Variants in TOGARAM1 observed in about 807,000 individuals in gnomAD.
The protein encoded by TOGARAM1 is TOG array regulator of axonemal microtubules protein 1.
A neutral mutation model predicts 166.6 loss-of-function variants in TOGARAM1; 100 were observed. That is an observed-to-expected ratio of 0.60 (90% confidence interval 0.51 to 0.71). The LOEUF (loss-of-function observed/expected upper bound fraction) is 0.71. Among genes scored for constraint, TOGARAM1 ranks in the 30% least tolerant of loss-of-function variants. TOGARAM1 has a pLI of 0.00. For synonymous variants in TOGARAM1, 758 were observed against 763.8 expected (o/e 0.99, Z 0.13); for missense variants, 2,029 against 2,102.7 (o/e 0.96, Z 0.69).
rs1257338210 is a variant in TOGARAM1, at chr14:44,964,219, A to G, written c.1798A>G (p.Arg600Gly). 6.2e-7 allele frequency: 1 copy of G among 1,614,200 alleles called. No homozygotes were observed. Among genetic ancestry groups the G allele is most frequent in the East Asian group, 2.2e-5 (1 of 44,882 alleles). The stretch of plus-strand genomic sequence containing the variant: ...ACTGATGCCATCTTCTGCCGGGGGT[A>G]GGTCAAACCATTTGGCACATGGAGC... The part of the protein sequence containing the change: ...AVLMPSSAGG[R>G]SNHLAHGADT... The change falls in exon 1 of 20, where the codon AGG becomes GGG. Residue 600 changes from arginine (R) to glycine (G), a missense_variant. This residue lies in a region of TOGARAM1 where 1,453 missense variants were observed against 1,432.2 expected (regional missense o/e 1.01). Transcript: ENST00000361462.
chr14:45,026,050 C>T (rs996125458), intron 8 of TOGARAM1, among the ~76,000 whole-genome samples, 178 bp downstream of exon 8: 1 of 152,092 alleles, frequency 6.6e-6, no homozygotes, highest in Non-Finnish European at 1.5e-5. Flanking sequence ...ACATTTCTAT[C>T]TTCTAATGAA....
intron 7 of TOGARAM1, among the ~76,000 whole-genome samples, chr14:45,020,874 A>G (rs1445133296): frequency 1.3e-5 from 2 of 152,192 alleles, no homozygotes; most frequent in Non-Finnish European, 2.9e-5. Flanking sequence ...TCTGTGCTGA[A>G]GTTGTTCCAT....
At chr14:44,987,960 A>T (rs554037290) in intron 1 of TOGARAM1, among the ~76,000 whole-genome samples, 1,614 of 152,126 alleles carry the variant, frequency 0.011, 33 homozygotes, top group African/African-American at 0.036. Context: ...TTGTAGGGAC[A>T]TGGATGAAGC....
chr14:44,995,840 C>T lies in TOGARAM1; in HGVS notation c.2141C>T (p.Ser714Leu). Residue 714 changes from serine (S) to leucine (L), a missense_variant, in exon 2 of 20, where the codon TCA becomes TTA. This residue lies in a region of TOGARAM1 where 1,453 missense variants were observed against 1,432.2 expected (regional missense o/e 1.01). Transcript: ENST00000361462. The part of the protein sequence containing the change: ...DDLCFSRKRV[S>L]RNLFQNSRDF... The stretch of plus-strand genomic sequence containing the variant: ...TTATGTTTTAGCAGAAAAAGAGTAT[C>T]AAGAAACTTATTTCAGAATAGTCGG... 7 of 1,610,604 alleles carry T rather than the reference C, an allele frequency of 4.3e-6. No individual in the cohort carries two copies. The highest frequency in any genetic ancestry group is 5.1e-6 in the Non-Finnish European group (6 of 1,178,852).
Position 45,074,156 on chromosome 14 carries a change from G to C in TOGARAM1, c.*595G>C, listed in dbSNP as rs567164523. 6.5e-6 allele frequency: 1 copy of C among 152,710 alleles called. No homozygotes were observed. The highest frequency in any genetic ancestry group is 2.4e-5 in the African/African-American group (1 of 41,548). The allele number at this position is 152,710 out of a possible 1,614,324, so 9.5% of individuals were successfully genotyped here. On this transcript the variant is annotated 3_prime_UTR_variant, in exon 20 of 20. Transcript: ENST00000361462. Reference sequence around the variant, plus strand: ...GTGAAATTTAACAAGTTATAATAAAGCATGACAACCAAAGTTTTAGAAAAC... The same window carrying C: ...GTGAAATTTAACAAGTTATAATAAACCATGACAACCAAAGTTTTAGAAAAC...
intron 6 of TOGARAM1, among the ~76,000 whole-genome samples, chr14:45,010,895 G>A (rs1879748026): frequency 6.6e-6 from 1 of 152,086 alleles, no homozygotes. Context: ...TATAAATGTA[G>A]ATTCATAATA....
intron 12 of TOGARAM1, 49 bp downstream of exon 12, chr14:45,043,840 T>A: frequency 9.6e-7 from 1 of 1,040,484 alleles, no homozygotes; most frequent in Non-Finnish European, 1.5e-6. Flanking sequence ...TAACAAAGGA[T>A]AAATATGCTA....
Position 45,073,931 on chromosome 14 carries a change from T to C in TOGARAM1, c.*370T>C, listed in dbSNP as rs1282541688. The C allele has an allele frequency of 6.2e-6, 1 of 162,196 alleles. No individual in the cohort carries two copies. The highest frequency in any genetic ancestry group is 2.4e-5 in the African/African-American group (1 of 41,664). 10.0% of individuals were successfully genotyped at this position (162,196 alleles called of 1,614,324 possible). On this transcript the variant is annotated 3_prime_UTR_variant, in exon 20 of 20. Coordinates refer to ENST00000361462, the MANE Select transcript of TOGARAM1 (RefSeq NM_001308120.2). ...ATTTTATTATGTAATCATGTTCTGG[T>C]ATGTCTCATTTCTCAGCCTTATTTT...
chr14:44,990,312 C>T (rs1387667138), intron 1 of TOGARAM1, among the ~76,000 whole-genome samples: 1 of 152,206 alleles, frequency 6.6e-6, no homozygotes, highest in Non-Finnish European at 1.5e-5. Context: ...TGTGCTCAGT[C>T]AGAATCAGCC....
In TOGARAM1 at chr14:44,962,662, A is replaced by C. The variant is rs1166241608; in HGVS notation, c.241A>C (p.Ser81Arg). Residue 81 changes from serine (S) to arginine (R), a missense_variant, in exon 1 of 20, where the codon AGC becomes CGC. Ser to Arg is a moderately radical substitution (Grantham distance 110, BLOSUM62 -1). Coordinates refer to ENST00000361462, the MANE Select transcript of TOGARAM1 (RefSeq NM_001308120.2). Reference sequence around the variant, plus strand: ...GATGCCCTCGGAGGCAGTCTCAAGCAGCTGGTCTGAGTCTGGAGGCGGTTT... The same window carrying C: ...GATGCCCTCGGAGGCAGTCTCAAGCCGCTGGTCTGAGTCTGGAGGCGGTTT... ...LLMPSEAVSSSWSESGGGLSG... is the reference protein window; with the variant it reads ...LLMPSEAVSSRWSESGGGLSG... 1.2e-6 allele frequency: 2 copies of C among 1,614,186 alleles called. No homozygotes were observed. The highest frequency in any genetic ancestry group is 2.2e-5 in the South Asian group (2 of 91,088).
chr14:45,009,880 T>G (rs1879690615), intron 6 of TOGARAM1, among the ~76,000 whole-genome samples: 1 of 152,192 alleles, frequency 6.6e-6, no homozygotes, highest in African/African-American at 2.4e-5. Flanking sequence ...AACCTAGTAA[T>G]AGAATTGATA....
At chr14:45,019,774 G>A (rs1014410319) in intron 7 of TOGARAM1, among the ~76,000 whole-genome samples, 42 of 152,170 alleles carry the variant, frequency 2.8e-4, no homozygotes, top group South Asian at 2.1e-4. Flanking sequence ...TTAGGGACTC[G>A]CTGTCGGCCT....
chr14:45,011,880 T>A, intron 6 of TOGARAM1, 95 bp from the exon 7 acceptor site: 1 of 812,248 alleles, frequency 1.2e-6, no homozygotes, highest in Admixed American at 2.7e-5. Context: ...ATCTAAAAGG[T>A]CTGTGAGTTA....
At chr14:45,003,539 T>C (rs1429554219) in intron 3 of TOGARAM1, among the ~76,000 whole-genome samples, 1 of 152,134 alleles carries the variant, frequency 6.6e-6, no homozygotes, top group Non-Finnish European at 1.5e-5. Context: ...TTTTAGTTTT[T>C]CATTGAAGTG....
chr14:44,990,286 T>G (rs1346228209), intron 1 of TOGARAM1, among the ~76,000 whole-genome samples: 2 of 152,246 alleles, frequency 1.3e-5, no homozygotes, highest in Non-Finnish European at 2.9e-5. Flanking sequence ...GCCGTCTGTG[T>G]GAACACAATT....
In TOGARAM1 at chr14:44,964,093, C is replaced by T; in HGVS notation, c.1672C>T (p.Leu558=). 2.5e-6 allele frequency: 4 copies of T among 1,614,180 alleles called. No individual in the cohort carries two copies. The highest frequency in any genetic ancestry group is 1.3e-5 in the African/African-American group (1 of 75,052). ...TTTTAAAGCTGTGGATACAGTTGAA[C>T]TGCAAGATAATGGAGATGGAGTGAT... is the stretch of plus-strand genomic sequence containing the variant. ...ILFKAVDTVE[L]QDNGDGVMNA... Residue 558 remains leucine (L), a synonymous_variant, in exon 1 of 20, where the codon CTG becomes TTG. Transcript: ENST00000361462.
intron 13 of TOGARAM1, among the ~76,000 whole-genome samples, chr14:45,045,966 G>T (rs577217984): frequency 1.2e-4 from 18 of 151,850 alleles, no homozygotes; most frequent in African/African-American, 4.3e-4. Context: ...AAAAGTTATT[G>T]TAATAACGTT....
intron 1 of TOGARAM1, among the ~76,000 whole-genome samples, chr14:44,979,994 G>A (rs762838233): frequency 3.9e-5 from 6 of 152,072 alleles, no homozygotes; most frequent in Non-Finnish European, 7.4e-5. Context: ...GTATATTAGT[G>A]TTATAATATT....
chr14:45,024,878 A>T (rs1880737676), intron 7 of TOGARAM1, among the ~76,000 whole-genome samples: 1 of 152,212 alleles, frequency 6.6e-6, no homozygotes, highest in Non-Finnish European at 1.5e-5. Flanking sequence ...TATTTGATTG[A>T]CTTTATCACT....
Sources: allele counts gnomAD v4.1 joint callset (sites outside exome capture counted in the v4.1 genomes callset), GRCh38; gene constraint gnomAD v4.1.1; regional missense constraint gnomAD v4.1.1; transcripts MANE v1.5; gene names NCBI Gene and HGNC (gene_info 2026-07-23, HGNC 2026-07-21).